Variants in ZNF814 observed in about 807,000 individuals in gnomAD.
ZNF814 encodes the protein zinc finger protein 814.
Under a neutral mutation model 7.5 loss-of-function variants are expected in ZNF814, and 5 were observed. The observed-to-expected ratio is 0.67, with a 90% confidence interval of 0.35 to 1.40. The LOEUF (loss-of-function observed/expected upper bound fraction) is 1.40. Ranked by LOEUF, ZNF814 falls within the 40% of genes most tolerant of loss-of-function variation. ZNF814 has a pLI of 0.04. For missense variants in ZNF814, 962 were observed against 1,018.0 expected, an observed-to-expected ratio of 0.94 and a Z score of 0.75; for synonymous variants, 315 against 340.7, an observed-to-expected ratio of 0.92 and a Z score of 0.83.
Position 57,872,626 on chromosome 19 carries a change from G to T in ZNF814, c.*196C>A. On this transcript the variant is annotated 3_prime_UTR_variant, in exon 3 of 3. Transcript: ENST00000435989. The stretch of plus-strand genomic sequence containing the variant: ...GTGTTTAATGAGACTGAAAGTTTCA[G>T]CAAAGGATTTCCCACATTCACTGCA... The T allele has an allele frequency of 1.4e-6, 2 of 1,406,830 alleles. No homozygotes were observed. The highest frequency in any genetic ancestry group is 2.0e-6 in the Non-Finnish European group (2 of 1,016,642). The allele number at this position is 1,406,830 out of a possible 1,614,324, so 87.1% of individuals were successfully genotyped here.
chr19:57,902,542 A>G, the ZNF814 span, among the ~76,000 whole-genome samples: 134 of 151,864 alleles, frequency 8.8e-4, 1 homozygote, highest in Non-Finnish European at 1.2e-3. Context: ...GGTAAATATA[A>G]TAAGTATAAA....
intron 1 of ZNF814, among the ~76,000 whole-genome samples, chr19:57,877,389 A>C (rs1291993294): frequency 6.6e-6 from 1 of 152,144 alleles, no homozygotes; most frequent in East Asian, 1.9e-4. Context: ...TCCCCAGGTG[A>C]CTGCCACACA....
chr19:57,874,167 T>C lies in ZNF814; in HGVS notation c.1223A>G (p.Tyr408Cys), dbSNP rs1427490675. 2.5e-6 allele frequency: 4 copies of C among 1,582,908 alleles called. No homozygotes were observed. The highest frequency in any genetic ancestry group is 3.4e-6 in the Non-Finnish European group (4 of 1,167,306). ...GGATTTCCCACATTCTCCACATTCA[T>C]AATGTTTTTTGTCAGTGTGAACTCT... ...HQRVHTDKKH[Y>C]ECGECGKSFS... Residue 408 changes from tyrosine (Y) to cysteine (C), a missense_variant, in exon 3 of 3, where the codon TAT (tyrosine) becomes TGT (cysteine). Coordinates refer to ENST00000435989, the MANE Select transcript of ZNF814 (RefSeq NM_001144989.2).
In ZNF814 at chr19:57,888,927, G is replaced by T; in HGVS notation, c.-125C>A. On this transcript the variant is annotated 5_prime_UTR_variant, in exon 1 of 3. Coordinates refer to ENST00000435989, the MANE Select transcript of ZNF814 (RefSeq NM_001144989.2). The stretch of plus-strand genomic sequence containing the variant: ...GGCGCCGTCACAGAGCTCCAGAGTA[G>T]CCTCTGTGCAGCGGAGGACAACTGC... The T allele has an allele frequency of 9.3e-7, 1 of 1,069,760 alleles. No homozygotes were observed. The highest frequency in any genetic ancestry group is 1.4e-6 in the Non-Finnish European group (1 of 724,716). The allele number at this position is 1,069,760 out of a possible 1,614,324, so 66.3% of individuals were successfully genotyped here.
At chr19:57,904,083 T>G in the ZNF814 span, among the ~76,000 whole-genome samples, 1 of 152,154 alleles carries the variant, frequency 6.6e-6, no homozygotes, top group Non-Finnish European at 1.5e-5. Flanking sequence ...CTCTGTAGCC[T>G]TTGGAGTGTG....
At position 57,872,653 on chromosome 19, in the gene ZNF814, T is replaced by G. The variant is rs1600134152; in HGVS notation, c.*169A>C. ...AAAGGATTTCCCACATTCACTGCAC[T>G]CATAAGGTGGTGTGACCAGTGTGAA... On this transcript the variant is annotated 3_prime_UTR_variant, in exon 3 of 3. Transcript: ENST00000435989. The G allele has an allele frequency of 6.6e-7, 1 of 1,520,126 alleles. No individual in the cohort carries two copies. The highest frequency in any genetic ancestry group is 9.0e-7 in the Non-Finnish European group (1 of 1,112,900). 94.2% of individuals were successfully genotyped at this position (1,520,126 alleles called of 1,614,324 possible).
chr19:57,894,570 C>T, the ZNF814 span, among the ~76,000 whole-genome samples: 1 of 151,984 alleles, frequency 6.6e-6, no homozygotes, highest in African/African-American at 2.4e-5. Flanking sequence ...TGGCTCACAC[C>T]TGTAATCCCA....
In ZNF814 at chr19:57,870,529, C is replaced by T. The variant is rs754269004; in HGVS notation, c.*2293G>A. On this transcript the variant is annotated 3_prime_UTR_variant, in exon 3 of 3. Coordinates refer to ENST00000435989, the MANE Select transcript of ZNF814 (RefSeq NM_001144989.2). The stretch of plus-strand genomic sequence containing the variant: ...AATGCAGGAATGACCTTGAGGAGAA[C>T]AGCCCAGAATGAGTACAGGAATTCA... The T allele has an allele frequency of 6.6e-6, 1 of 152,182 alleles. No individual in the cohort carries two copies. The highest frequency in any genetic ancestry group is 1.5e-5 in the Non-Finnish European group (1 of 68,034). 9.4% of individuals were successfully genotyped at this position (152,182 alleles called of 1,614,324 possible).
chr19:57,901,517 G>C, the ZNF814 span: 1 of 397,870 alleles, frequency 2.5e-6, no homozygotes, highest in Admixed American at 4.4e-5. Context: ...AGGTGCCTCT[G>C]TGGGTGCCCA....
At chr19:57,890,219 G>C (rs1267951302), upstream of ZNF814, among the ~76,000 whole-genome samples, 1 of 152,210 alleles carries the variant, frequency 6.6e-6, no homozygotes, top group Non-Finnish European at 1.5e-5. Context: ...CAATTTATCA[G>C]GACAGGGAAA....
At chr19:57,896,307 A>G in the ZNF814 span, among the ~76,000 whole-genome samples, 1 of 152,240 alleles carries the variant, frequency 6.6e-6, no homozygotes, top group South Asian at 2.1e-4. The surrounding 1 kb of genome is among the most constrained non-coding windows in gnomAD (Gnocchi z 4.2). Flanking sequence ...ACAGATCACG[A>G]GACAGATTCA....
the ZNF814 span, among the ~76,000 whole-genome samples, chr19:57,901,143 C>T: frequency 1.3e-5 from 2 of 152,174 alleles, no homozygotes; most frequent in Middle Eastern, 6.8e-3. Context: ...GCAGCCATGG[C>T]TGCATTTTAA....
At chr19:57,884,749 G>A (rs2122460950) in intron 1 of ZNF814, among the ~76,000 whole-genome samples, 1 of 152,294 alleles carries the variant, frequency 6.6e-6, no homozygotes, top group Non-Finnish European at 1.5e-5. Flanking sequence ...CCAAAAGACA[G>A]GCAATAACAA....
At chr19:57,901,068 C>T in the ZNF814 span, among the ~76,000 whole-genome samples, 277 of 150,408 alleles carry the variant, frequency 1.8e-3, 2 homozygotes, top group African/African-American at 6.3e-3. Context: ...GATCTCCTGA[C>T]CTCGTGATCC....
Position 57,873,465 on chromosome 19 carries a change from T to A in ZNF814, c.1925A>T (p.Asn642Ile). Residue 642 changes from asparagine to isoleucine, a missense_variant, in exon 3 of 3, where the codon AAT becomes ATT. Coordinates refer to ENST00000435989, the MANE Select transcript of ZNF814 (RefSeq NM_001144989.2). ...YKCGDCGKSF[N>I]EKGHLRNHQR... is the part of the protein sequence containing the mutation. ...ATGATTCCTAAGGTGTCCTTTTTCA[T>A]TAAAAGATTTCCCACAGTCTCCACA... is the stretch of plus-strand genomic sequence containing the variant. 2 of 1,614,012 alleles carry A rather than the reference T, an allele frequency of 1.2e-6. No individual in the cohort carries two copies. Among genetic ancestry groups the A allele is most frequent in the Admixed American group, 1.7e-5 (1 of 60,006 alleles).
Position 57,871,193 on chromosome 19 carries a change from A to C in ZNF814, c.*1629T>G, listed in dbSNP as rs966969800. On this transcript the variant is annotated 3_prime_UTR_variant, in exon 3 of 3. Coordinates refer to ENST00000435989, the MANE Select transcript of ZNF814 (RefSeq NM_001144989.2). The stretch of plus-strand genomic sequence containing the variant: ...GACTTCCCTCAGCCGTACCAAGTAC[A>C]ATGCAATATACCTCGTAAAAGAATT... 6.6e-6 allele frequency: 1 copy of C among 152,212 alleles called. No homozygotes were observed. The highest frequency in any genetic ancestry group is 2.4e-5 in the African/African-American group (1 of 41,448). 9.4% of individuals were successfully genotyped at this position (152,212 alleles called of 1,614,324 possible).
chr19:57,869,518 T>C lies in ZNF814; in HGVS notation c.*3304A>G, dbSNP rs1400150715. Reference sequence around the variant, plus strand: ...TTTATAAAAAGGTTCCAAGTAAATATAAAGGTGTTAAGTTCATTATTGTGA... The same window carrying C: ...TTTATAAAAAGGTTCCAAGTAAATACAAAGGTGTTAAGTTCATTATTGTGA... On this transcript the variant is annotated 3_prime_UTR_variant, in exon 3 of 3. Transcript: ENST00000435989. The C allele has an allele frequency of 2.0e-5, 3 of 152,094 alleles. No individual in the cohort carries two copies. The highest frequency in any genetic ancestry group is 2.0e-4 in the Admixed American group (3 of 15,248). The allele number at this position is 152,094 out of a possible 1,614,324, so 9.4% of individuals were successfully genotyped here. A position where few individuals can be genotyped will look rare whatever the true frequency, so the allele number is the denominator to read the frequency against.
chr19:57,888,679 G>A (rs559059271), intron 1 of ZNF814, 88 bp downstream of exon 1: 16 of 1,500,982 alleles, frequency 1.1e-5, no homozygotes, highest in African/African-American at 1.4e-5. Flanking sequence ...CCGGCGTCCG[G>A]GCTGCAGAGC....
Position 57,869,639 on chromosome 19 carries a change from A to G in ZNF814, c.*3183T>C, listed in dbSNP as rs2071539099. 1 of 152,154 alleles carries G rather than the reference A, an allele frequency of 6.6e-6. No homozygotes were observed. The highest frequency in any genetic ancestry group is 6.5e-5 in the Admixed American group (1 of 15,276). The allele number at this position is 152,154 out of a possible 1,614,324, so 9.4% of individuals were successfully genotyped here. On this transcript the variant is annotated 3_prime_UTR_variant, in exon 3 of 3. Transcript: ENST00000435989. ...GCTTACTGAATGTCATTTATAACTC[A>G]TCACAGCTTTAAAATATACTTCAGA...
Sources: gnomAD v4.1 joint callset for allele counts (sites outside exome capture counted in the v4.1 genomes callset) on GRCh38, gnomAD v4.1.1 for gene constraint, Gnocchi (gnomAD v3.1) non-coding constraint, MANE v1.5 for transcripts, NCBI Gene and HGNC (gene_info 2026-07-23, HGNC 2026-07-21) for gene names.